CARNS1: variants seen among roughly 807,000 people sequenced by gnomAD.
CARNS1 encodes the protein carnosine synthase 1.
In CARNS1, 61 loss-of-function variants were observed where a neutral mutation model predicts 74.0. The ratio of observed to expected loss-of-function variants is 0.82; its 90% CI spans 0.67 to 1.02. The LOEUF (loss-of-function observed/expected upper bound fraction) is 1.02. CARNS1 is among the 50% of genes least tolerant of loss of function. The pLI is 0.00. For synonymous variants in CARNS1, 568 were observed against 605.5 expected (o/e 0.94, Z 0.91); for missense variants, 1,278 against 1,308.4 (o/e 0.98, Z 0.36).
In CARNS1 at chr11:67,418,914, T is replaced by C; in HGVS notation, c.523T>C (p.Phe175Leu). 6.3e-7 allele frequency: 1 copy of C among 1,591,162 alleles called. No homozygotes were observed. The highest frequency in any genetic ancestry group is 8.6e-7 in the Non-Finnish European group (1 of 1,168,656). Residue 175 changes from phenylalanine (F) to leucine (L), a missense_variant, in exon 5 of 10, where the codon TTT (phenylalanine) becomes CTT (leucine). Phe to Leu is a conservative substitution (Grantham distance 22). Coordinates refer to ENST00000687366, the MANE Select transcript of CARNS1 (RefSeq NM_001166222.2). Reference sequence around the variant, plus strand: ...TGTCCCCCCGCGCCGTGCCACCTACTTTTTGGCAGGCCTGGGCCTGGGGCC... The same window carrying C: ...TGTCCCCCCGCGCCGTGCCACCTACCTTTTGGCAGGCCTGGGCCTGGGGCC... The part of the protein sequence containing the change: ...DFVPPRRATY[F>L]LAGLGLGPGR...
In CARNS1 at chr11:67,419,774, G is replaced by T. The variant is rs746358990; in HGVS notation, c.1049G>T (p.Gly350Val). Residue 350 changes from glycine to valine, a missense_variant, in exon 7 of 10, where the codon GGC (glycine) becomes GTC (valine). By Grantham distance (109) the Gly-to-Val change is moderately radical. Around this residue, in one of 3 missense-constraint regions of CARNS1, gnomAD observed 1,164 missense variants for 1,156.5 expected, o/e 1.01. Coordinates refer to ENST00000687366, the MANE Select transcript of CARNS1 (RefSeq NM_001166222.2). ...PCSDGPSPGP[G>V]LAVRICAVVC... ...CCAGATGGTCCTTCACCCGGCCCCGGCCTGGCCGTGCGAATCTGTGCTGTG... is the reference window on the plus strand; with the variant it reads ...CCAGATGGTCCTTCACCCGGCCCCGTCCTGGCCGTGCGAATCTGTGCTGTG... 8.7e-6 allele frequency: 14 copies of T among 1,604,206 alleles called. No individual in the cohort carries two copies. Among genetic ancestry groups the T allele is most frequent in the Non-Finnish European group, 1.2e-5 (14 of 1,175,888 alleles).
rs764870938 is a variant in CARNS1, at chr11:67,416,476, C to T, written c.3+274C>T. ...GCTCTGGCCCTGGCAAACTGGGATT[C>T]GAGCCCAGGCATGAGGCCCAGTCCT... is the stretch of plus-strand genomic sequence containing the variant. On this transcript the variant is annotated intron_variant, in intron 2 of 9. Coordinates refer to ENST00000687366, the MANE Select transcript of CARNS1 (RefSeq NM_001166222.2). The T allele has an allele frequency of 9.5e-4, 1,250 of 1,311,356 alleles. 4 individuals carry two copies. Among genetic ancestry groups the T allele is most frequent in the Non-Finnish European group, 1.1e-3 (1,137 of 1,023,782 alleles). The allele number at this position is 1,311,356 out of a possible 1,614,324, so 81.2% of individuals were successfully genotyped here. A position where few individuals can be genotyped will look rare whatever the true frequency, so the allele number is the denominator to read the frequency against.
chr11:67,417,114 G>A, intron 2 of CARNS1: 1 of 1,165,670 alleles, frequency 8.6e-7, no homozygotes, highest in Non-Finnish European at 1.1e-6. Context: ...CTGCTGTGAA[G>A]CAAGCTAAGG....
At position 67,421,238 on chromosome 11, in the gene CARNS1, G is replaced by T. The variant is rs1863695205; in HGVS notation, c.1626+19G>T. 3 of 1,471,606 alleles carry T rather than the reference G, an allele frequency of 2.0e-6. No individual in the cohort carries two copies. Among genetic ancestry groups the T allele is most frequent in the Non-Finnish European group, 2.7e-6 (3 of 1,119,112 alleles). 91.2% of individuals were successfully genotyped at this position (1,471,606 alleles called of 1,614,324 possible). On this transcript the variant is annotated intron_variant, in intron 9 of 9. Coordinates refer to ENST00000687366, the MANE Select transcript of CARNS1 (RefSeq NM_001166222.2). ...GCTCCAGGTGGGCGGGGCGCGGGGC[G>T]GGGCTGGGCCCCAGGTCCTGGCCCG...
chr11:67,419,844 C>T lies in CARNS1; in HGVS notation c.1113+6C>T, dbSNP rs777889889. ...ATAGGCCACTGCTGAGCAAGGTGAG[C>T]GTGGCCCAGGCCCAGGCTGTGACCC... is the stretch of plus-strand genomic sequence containing the variant. On this transcript the variant is annotated splice_donor_region_variant and intron_variant, in intron 7 of 9. Coordinates refer to ENST00000687366, the MANE Select transcript of CARNS1 (RefSeq NM_001166222.2). The T allele has an allele frequency of 5.7e-6, 9 of 1,571,032 alleles. No homozygotes were observed. Among genetic ancestry groups the T allele is most frequent in the East Asian group, 4.8e-5 (2 of 41,900 alleles).
At position 67,424,509 on chromosome 11, in the gene CARNS1, G is replaced by C; in HGVS notation, c.2761G>C (p.Glu921Gln). 6.3e-7 allele frequency: 1 copy of C among 1,591,746 alleles called. No homozygotes were observed. The highest frequency in any genetic ancestry group is 8.5e-7 in the Non-Finnish European group (1 of 1,170,836). The change falls in exon 10 of 10, where the codon GAG becomes CAG. Residue 921 changes from glutamate (E) to glutamine (Q), a missense_variant. This residue lies in a region of CARNS1 where 1,164 missense variants were observed against 1,156.5 expected (regional missense o/e 1.01). Transcript: ENST00000687366. ...SVACAGPSPTEARLRLLGLCQ... is the reference protein window; with the variant it reads ...SVACAGPSPTQARLRLLGLCQ... ...GGCCTGTGCCGGACCCAGCCCCACC[G>C]AGGCCCGTCTCCGCCTGCTGGGCCT...
At position 67,418,911 on chromosome 11, in the gene CARNS1, T is replaced by C. The variant is rs1432540657; in HGVS notation, c.520T>C (p.Tyr174His). ...DDFVPPRRAT[Y>H]FLAGLGLGPG... ...CTTTGTCCCCCCGCGCCGTGCCACC[T>C]ACTTTTTGGCAGGCCTGGGCCTGGG... Residue 174 changes from tyrosine to histidine, a missense_variant, in exon 5 of 10, where the codon TAC (tyrosine) becomes CAC (histidine). Around this residue, in one of 3 missense-constraint regions of CARNS1, gnomAD observed 1,164 missense variants for 1,156.5 expected, o/e 1.01. Transcript: ENST00000687366. The C allele has an allele frequency of 3.8e-6, 6 of 1,592,354 alleles. No homozygotes were observed. Among genetic ancestry groups the C allele is most frequent in the Non-Finnish European group, 5.1e-6 (6 of 1,169,396 alleles).
rs1159100084 is a variant in CARNS1 at position 67,420,730 on chromosome 11, G to C, written c.1235G>C (p.Arg412Pro). The change falls in exon 8 of 10, where the codon CGG (arginine) becomes CCG (proline). Residue 412 changes from arginine to proline, a missense_variant. Arg to Pro is a moderately radical substitution (Grantham distance 103). This residue lies in a region of CARNS1 where 1,164 missense variants were observed against 1,156.5 expected (regional missense o/e 1.01). Coordinates refer to ENST00000687366, the MANE Select transcript of CARNS1 (RefSeq NM_001166222.2). ...LGEEAQVAAV[R>P]QRVKAAAEAA... Reference sequence around the variant, plus strand: ...GAGGAGGCGCAGGTGGCGGCTGTGCGGCAGCGCGTCAAGGCGGCGGCCGAG... The same window carrying C: ...GAGGAGGCGCAGGTGGCGGCTGTGCCGCAGCGCGTCAAGGCGGCGGCCGAG... 2 of 1,259,604 alleles carry C rather than the reference G, an allele frequency of 1.6e-6. No homozygotes were observed. The highest frequency in any genetic ancestry group is 3.3e-5 in the South Asian group (1 of 30,026). 78.0% of individuals were successfully genotyped at this position (1,259,604 alleles called of 1,614,324 possible).
chr11:67,419,232 G>A lies in CARNS1; in HGVS notation c.841G>A (p.Asp281Asn). 1 of 1,480,962 alleles carries A rather than the reference G, an allele frequency of 6.8e-7. No individual in the cohort carries two copies. The highest frequency in any genetic ancestry group is 9.0e-7 in the Non-Finnish European group (1 of 1,110,188). The allele number at this position is 1,480,962 out of a possible 1,614,324, so 91.7% of individuals were successfully genotyped here. A position where few individuals can be genotyped will look rare whatever the true frequency, so the allele number is the denominator to read the frequency against. ...TTTTCTGCGCTCCGAGGCCCTGGGT[G>A]ATATCCTGCAGGTAACAGACTCTCG... ...EAFLRSEALGDILQVAVKLSG... is the reference protein window; with the variant it reads ...EAFLRSEALGNILQVAVKLSG... Residue 281 changes from aspartate to asparagine, a missense_variant, in exon 5 of 10, where the codon GAT becomes AAT. By Grantham distance (23) the Asp-to-Asn change is conservative. This residue lies in a region of CARNS1 where 1,164 missense variants were observed against 1,156.5 expected (regional missense o/e 1.01). Transcript: ENST00000687366.
At chr11:67,422,152 G>A (rs1217909527) in intron 9 of CARNS1, among the ~76,000 whole-genome samples, 6 of 144,762 alleles carry the variant, frequency 4.1e-5, no homozygotes, top group Non-Finnish European at 7.5e-5. Flanking sequence ...GATTACAGGC[G>A]TGAGCCACCG....
At position 67,423,681 on chromosome 11, in the gene CARNS1, C is replaced by T. The variant is rs1314301780; in HGVS notation, c.1933C>T (p.Pro645Ser). Residue 645 changes from proline (P) to serine (S), a missense_variant, in exon 10 of 10, where the codon CCC (proline) becomes TCC (serine). This residue lies in a region of CARNS1 where 1,164 missense variants were observed against 1,156.5 expected (regional missense o/e 1.01). Coordinates refer to ENST00000687366, the MANE Select transcript of CARNS1 (RefSeq NM_001166222.2). This position sits in a 1 kb window ranked among gnomAD's most constrained non-coding sequence, Gnocchi z 5.1. Reference sequence around the variant, plus strand: ...CCACCATGGCCCACCCTGGCCTGCGCCCTCCCTCCATGCTGTGCCCTGCTG... The same window carrying T: ...CCACCATGGCCCACCCTGGCCTGCGTCCTCCCTCCATGCTGTGCCCTGCTG... ...LHHHGPPWPA[P>S]SLHAVPCCPL... The T allele has an allele frequency of 6.3e-6, 10 of 1,595,054 alleles. No individual in the cohort carries two copies. The highest frequency in any genetic ancestry group is 6.8e-6 in the Non-Finnish European group (8 of 1,174,044).
In CARNS1 at chr11:67,423,594, A is replaced by G. The variant is rs201188191; in HGVS notation, c.1846A>G (p.Ser616Gly). ...LLCQELGLPC[S>G]SPAAMRLAKQ... ...CTGCCAGGAGCTAGGTCTGCCCTGC[A>G]GCTCCCCAGCTGCCATGCGCCTGGC... The change falls in exon 10 of 10, where the codon AGC (serine) becomes GGC (glycine). Residue 616 changes from serine to glycine, a missense_variant. Around this residue, in one of 3 missense-constraint regions of CARNS1, gnomAD observed 1,164 missense variants for 1,156.5 expected, o/e 1.01. Transcript: ENST00000687366. The surrounding 1 kb of genome is among the most constrained non-coding windows in gnomAD (Gnocchi z 5.1). 186 of 1,609,912 alleles carry G rather than the reference A, an allele frequency of 1.2e-4. No homozygotes were observed. Among genetic ancestry groups the G allele is most frequent in the Non-Finnish European group, 1.5e-4 (176 of 1,178,490 alleles).
rs1370777925 is a variant in CARNS1 at position 67,425,546 on chromosome 11, AGAG to A, written c.*949_*951del. On this transcript the variant is annotated 3_prime_UTR_variant, in exon 10 of 10. Coordinates refer to ENST00000687366, the MANE Select transcript of CARNS1 (RefSeq NM_001166222.2). ...TTAAGAAATCCTGCCTCTGTGCAGC[AGAG>A]GAGCTGGAGGCAGCTCCCCAGGCAT... The A allele has an allele frequency of 6.2e-6, 1 of 162,132 alleles. No individual in the cohort carries two copies. Among genetic ancestry groups the A allele is most frequent in the Non-Finnish European group, 1.4e-5 (1 of 73,670 alleles). 10.0% of individuals were successfully genotyped at this position (162,132 alleles called of 1,614,324 possible).
intron 9 of CARNS1, among the ~76,000 whole-genome samples, chr11:67,422,171 CTTTTTTTT>C (rs35293042): frequency 2.7e-5 from 2 of 72,784 alleles, no homozygotes; most frequent in Middle Eastern, 7.7e-3. Flanking sequence ...CGCGCCCGGC[CTTTTTTTT>C]TTTTTTTTTT....
In CARNS1 at chr11:67,417,607, C is replaced by A. The variant is rs1014137884; in HGVS notation, c.204C>A (p.Ser68Arg). ...GGGCTTGGACTGTCTACTACTACAG[C>A]CTCCTGCAGAGCTGTCTGCAGCAAG... is the stretch of plus-strand genomic sequence containing the variant. ...EARAWTVYYY[S>R]LLQSCLQQAG... The change falls in exon 3 of 10, where the codon AGC (serine) becomes AGA (arginine). Residue 68 changes from serine to arginine, a missense_variant. Ser to Arg is a moderately radical substitution (Grantham distance 110). Around this residue, in one of 3 missense-constraint regions of CARNS1, gnomAD observed 104 missense variants for 127.3 expected, o/e 0.82. Coordinates refer to ENST00000687366, the MANE Select transcript of CARNS1 (RefSeq NM_001166222.2). 3.9e-6 allele frequency: 5 copies of A among 1,297,760 alleles called. No individual in the cohort carries two copies. The highest frequency in any genetic ancestry group is 4.9e-6 in the Non-Finnish European group (5 of 1,021,172). 80.4% of individuals were successfully genotyped at this position (1,297,760 alleles called of 1,614,324 possible). A position where few individuals can be genotyped will look rare whatever the true frequency, so the allele number is the denominator to read the frequency against.
At chr11:67,416,726 G>A (rs1479340588) in intron 2 of CARNS1, 10 of 986,266 alleles carry the variant, frequency 1.0e-5, no homozygotes, top group Middle Eastern at 5.1e-4. Context: ...CCATTCACAC[G>A]AAGCCTCCCA....
chr11:67,418,880 G>A lies in CARNS1; in HGVS notation c.489G>A (p.Leu163=), dbSNP rs773976331. The change falls in exon 5 of 10, where the codon CTG becomes CTA. Residue 163 remains leucine (L), a synonymous_variant. Transcript: ENST00000687366. ...VSFHPGGLTF[L]DDFVPPRRAT... ...TCCACCCTGGGGGCCTGACATTCCTGGATGACTTTGTCCCCCCGCGCCGTG... is the reference window on the plus strand; with the variant it reads ...TCCACCCTGGGGGCCTGACATTCCTAGATGACTTTGTCCCCCCGCGCCGTG... 5 of 1,600,618 alleles carry A rather than the reference G, an allele frequency of 3.1e-6. No individual in the cohort carries two copies. The Admixed American group carries it at 6.8e-5, about 22-fold the overall frequency.
Position 67,419,779 on chromosome 11 carries a change from G to A in CARNS1, c.1054G>A (p.Ala352Thr), listed in dbSNP as rs1863646347. The A allele has an allele frequency of 6.2e-7, 1 of 1,604,790 alleles. No homozygotes were observed. Among genetic ancestry groups the A allele is most frequent in the East Asian group, 2.3e-5 (1 of 44,158 alleles). Residue 352 changes from alanine (A) to threonine (T), a missense_variant, in exon 7 of 10, where the codon GCC becomes ACC. Coordinates refer to ENST00000687366, the MANE Select transcript of CARNS1 (RefSeq NM_001166222.2). ...SDGPSPGPGL[A>T]VRICAVVCRT... ...TGGTCCTTCACCCGGCCCCGGCCTG[G>A]CCGTGCGAATCTGTGCTGTGGTGTG... is the stretch of plus-strand genomic sequence containing the variant.
At chr11:67,417,284 C>G (rs376651737) in intron 2 of CARNS1, 123 bp from the exon 3 acceptor site, 5 of 1,242,684 alleles carry the variant, frequency 4.0e-6, no homozygotes, top group Non-Finnish European at 5.0e-6. Flanking sequence ...CTCTCCTAGT[C>G]CCCGGGACGG....
Sources: allele counts gnomAD v4.1 joint callset (sites outside exome capture counted in the v4.1 genomes callset), GRCh38; gene constraint gnomAD v4.1.1; regional missense constraint gnomAD v4.1.1; non-coding constraint Gnocchi (gnomAD v3.1); transcripts MANE v1.5; gene names NCBI Gene and HGNC (gene_info 2026-07-23, HGNC 2026-07-21).